AHI1: variants seen among roughly 807,000 people sequenced by gnomAD.
AHI1 encodes jouberin.
Under a neutral mutation model 149.3 loss-of-function variants are expected in AHI1, and 123 were observed. The ratio of observed to expected loss-of-function variants is 0.82; its 90% CI spans 0.71 to 0.96. AHI1 has a LOEUF of 0.96. Ranked by LOEUF, AHI1 falls within the 40% of genes least tolerant of loss-of-function variation. The probability of loss-of-function intolerance (pLI) is 0.00; values close to 1 mark genes in which losing one functional copy is unlikely to be tolerated. For missense variants in AHI1, 1,439 were observed against 1,422.7 expected (o/e 1.01, Z -0.18); for synonymous variants, 475 against 459.8 (o/e 1.03, Z -0.42).
intron 23 of AHI1, among the ~76,000 whole-genome samples, chr6:135,384,023 G>A (rs977877148): frequency 2.0e-5 from 3 of 151,946 alleles, no homozygotes; most frequent in Non-Finnish European, 2.9e-5. Context: ...CTTTCACCAC[G>A]GTATAAATTA....
intron 24 of AHI1, among the ~76,000 whole-genome samples, chr6:135,327,328 G>A (rs1269363116): frequency 2.6e-5 from 4 of 152,166 alleles, no homozygotes; most frequent in African/African-American, 7.2e-5. Flanking sequence ...CTATTAAGCT[G>A]TCATCTCCGG....
intron 24 of AHI1, among the ~76,000 whole-genome samples, chr6:135,346,118 A>G (rs956865062): frequency 3.3e-5 from 5 of 152,220 alleles, no homozygotes; most frequent in Non-Finnish European, 1.5e-5. Flanking sequence ...CAATGACAGA[A>G]AACTAAAGTG....
chr6:135,391,351 G>C (rs1007520377), intron 23 of AHI1, among the ~76,000 whole-genome samples: 13 of 152,070 alleles, frequency 8.5e-5, no homozygotes, highest in Non-Finnish European at 1.3e-4. Flanking sequence ...AAAGGTGAAC[G>C]GTTTTGGGAT....
At chr6:135,409,165 G>T (rs1349834044) in intron 21 of AHI1, among the ~76,000 whole-genome samples, 1 of 151,834 alleles carries the variant, frequency 6.6e-6, no homozygotes, top group East Asian at 1.9e-4. Flanking sequence ...ATGTTAAAAG[G>T]GCTGTTTCTT....
At chr6:135,326,535 GTAAA>G (rs1200176641) in intron 24 of AHI1, among the ~76,000 whole-genome samples, 1 of 152,034 alleles carries the variant, frequency 6.6e-6, no homozygotes, top group African/African-American at 2.4e-5. Context: ...TACCTGTCAT[GTAAA>G]TAGTATACAC....
intron 23 of AHI1, among the ~76,000 whole-genome samples, chr6:135,379,520 TTTG>T (rs1776391718): frequency 6.6e-6 from 1 of 152,234 alleles, no homozygotes; most frequent in African/African-American, 2.4e-5. Flanking sequence ...TAACACAGAA[TTTG>T]TTACTATATC....
chr6:135,322,040 T>G (rs565682776), intron 25 of AHI1, among the ~76,000 whole-genome samples: 1 of 152,334 alleles, frequency 6.6e-6, no homozygotes, highest in South Asian at 2.1e-4. Flanking sequence ...TGACCTAAAG[T>G]GATCTGCCTG....
intron 24 of AHI1, among the ~76,000 whole-genome samples, chr6:135,353,795 A>G (rs1028291120): frequency 2.0e-5 from 3 of 152,130 alleles, no homozygotes; most frequent in African/African-American, 7.2e-5. Context: ...ATTTCAGAAT[A>G]ACAAAATAAG....
chr6:135,375,728 A>G (rs764598372), intron 23 of AHI1, among the ~76,000 whole-genome samples: 2 of 152,258 alleles, frequency 1.3e-5, no homozygotes, highest in African/African-American at 2.4e-5. Context: ...TTGTAAAAAT[A>G]TATTTTCAAG....
chr6:135,380,744 C>CCA (rs1562623965), intron 23 of AHI1, among the ~76,000 whole-genome samples: 6 of 100,458 alleles, frequency 6.0e-5, no homozygotes, highest in Non-Finnish European at 9.3e-5. Flanking sequence ...CCCCCCCCCC[C>CCA]AAAAAAAAAG....
At chr6:135,412,431 T>C (rs1781741047) in intron 20 of AHI1, among the ~76,000 whole-genome samples, 1 of 152,238 alleles carries the variant, frequency 6.6e-6, no homozygotes, top group Non-Finnish European at 1.5e-5. Context: ...TTCTCCCTTA[T>C]AGATCATGCA....
chr6:135,404,641 A>C (rs768801890), intron 22 of AHI1, among the ~76,000 whole-genome samples: 21 of 152,254 alleles, frequency 1.4e-4, no homozygotes, highest in Non-Finnish European at 2.8e-4. Flanking sequence ...CCGGTGTCTT[A>C]TACAAATTAA....
chr6:135,325,059 C>T (rs1301312146), intron 24 of AHI1, among the ~76,000 whole-genome samples: 1 of 146,906 alleles, frequency 6.8e-6, no homozygotes, highest in Non-Finnish European at 1.5e-5. Flanking sequence ...TGGAGTCTGG[C>T]TCTGTCGCCC....
chr6:135,286,988 C>T (rs1367591019), intron 28 of AHI1, among the ~76,000 whole-genome samples: 1 of 152,020 alleles, frequency 6.6e-6, no homozygotes, highest in Non-Finnish European at 1.5e-5. Flanking sequence ...GAAGGCTGGG[C>T]TAAAGTCACA....
intron 24 of AHI1, among the ~76,000 whole-genome samples, chr6:135,340,650 CATACATACATAT>C (rs1239466016): frequency 3.8e-5 from 2 of 52,650 alleles, no homozygotes; most frequent in African/African-American, 2.2e-4. Context: ...CATATATATA[CATACATACATAT>C]ATATATATAT....
intron 27 of AHI1, among the ~76,000 whole-genome samples, chr6:135,294,014 C>A (rs1341358737): frequency 6.6e-6 from 1 of 152,070 alleles, no homozygotes; most frequent in African/African-American, 2.4e-5. Context: ...GTGGTAGTAG[C>A]ATAAAGACAG....
chr6:135,400,848 T>C (rs1052505337), intron 22 of AHI1, among the ~76,000 whole-genome samples: 6 of 152,208 alleles, frequency 3.9e-5, no homozygotes, highest in East Asian at 3.8e-4. Context: ...GATTCAGTAA[T>C]GTGACCATAC....
At chr6:135,348,256 C>A (rs1791555922) in intron 24 of AHI1, among the ~76,000 whole-genome samples, 1 of 152,098 alleles carries the variant, frequency 6.6e-6, no homozygotes, top group African/African-American at 2.4e-5. Flanking sequence ...AGTTTGATAA[C>A]CTTTGATTAA....
rs147113859 is a variant in AHI1 at position 135,352,467 on chromosome 6, G to A, written c.3165+5665C>T. Among the ~76,000 whole-genome samples, 173 of 152,050 alleles carry A rather than the reference G, an allele frequency of 1.1e-3. 1 individual carries two copies. The highest frequency in any genetic ancestry group is 4.0e-3 in the African/African-American group (166 of 41,488). ...AAAAATCCCATCCTTTCATGATCTGGTTTAGCACTTGCCGACTCTAAACAG... is the reference window on the plus strand; with the variant it reads ...AAAAATCCCATCCTTTCATGATCTGATTTAGCACTTGCCGACTCTAAACAG... On this transcript the variant is annotated intron_variant, in intron 24 of 28. Coordinates refer to ENST00000265602, the MANE Select transcript of AHI1 (RefSeq NM_001134831.2).
Sources: allele counts gnomAD v4.1 joint callset (sites outside exome capture counted in the v4.1 genomes callset), GRCh38; gene constraint gnomAD v4.1.1; transcripts MANE v1.5; gene names NCBI Gene and HGNC (gene_info 2026-07-23, HGNC 2026-07-21).